The following UBA5 variants were observed in gnomAD, a reference collection of about 807,000 sequenced individuals.
The protein encoded by UBA5 is ubiquitin like modifier activating enzyme 5.
In UBA5, 28 loss-of-function variants were observed where a neutral mutation model predicts 52.9. That is an observed-to-expected ratio of 0.53 (90% CI 0.39 to 0.73). The LOEUF (loss-of-function observed/expected upper bound fraction) is 0.73. Ranked by LOEUF, UBA5 falls within the 30% of genes least tolerant of loss-of-function variation. UBA5 has a pLI of 0.00. For synonymous variants in UBA5, 135 were observed against 162.1 expected (o/e 0.83, Z 1.27); for missense variants, 388 against 492.7 (o/e 0.79, Z 2.01).
chr3:132,675,346 A>G lies in UBA5; in HGVS notation c.911A>G (p.Asp304Gly). ...TMSMKPNPQC[D>G]DRNCRKQQEE... ...TCCATGAAGCCAAATCCTCAGTGTG[A>G]TGACAGAAATTGCAGGAAGCAGCAG... Residue 304 changes from aspartate to glycine, a missense_variant, in exon 9 of 12, where the codon GAT (aspartate) becomes GGT (glycine). Around this residue, in one of 3 missense-constraint regions of UBA5, gnomAD observed 277 missense variants for 326.4 expected, o/e 0.85. Coordinates refer to ENST00000356232, the MANE Select transcript of UBA5 (RefSeq NM_024818.6). 2 of 1,613,726 alleles carry G rather than the reference A, an allele frequency of 1.2e-6. No individual in the cohort carries two copies. The highest frequency in any genetic ancestry group is 1.7e-6 in the Non-Finnish European group (2 of 1,179,822).
chr3:132,667,188 A>G (rs188683343), intron 3 of UBA5: 3 of 152,304 alleles, frequency 2.0e-5, no homozygotes, highest in Admixed American at 2.0e-4. Flanking sequence ...CCTCAGACAT[A>G]CTGAATCAGA....
At chr3:132,673,628 G>A (rs1038209911) in intron 8 of UBA5, among the ~76,000 whole-genome samples, 34 of 151,312 alleles carry the variant, frequency 2.2e-4, no homozygotes, top group African/African-American at 8.0e-4. Context: ...GATTACAGGC[G>A]TGAGCCACTG....
In UBA5 at chr3:132,676,892, A is replaced by G. The variant is rs76591495; in HGVS notation, c.*366A>G. 1,832 of 457,840 alleles carry G rather than the reference A, an allele frequency of 4.0e-3. 31 individuals carry two copies. Among genetic ancestry groups the G allele is most frequent in the African/African-American group, 0.033 (1,659 of 50,276 alleles). 28.4% of individuals were successfully genotyped at this position (457,840 alleles called of 1,614,324 possible). ...TCTGTTGCATGAGGACATGGACAATAAAGTAGTATATGATCCTCAGATACA... is the reference window on the plus strand; with the variant it reads ...TCTGTTGCATGAGGACATGGACAATGAAGTAGTATATGATCCTCAGATACA... On this transcript the variant is annotated 3_prime_UTR_variant, in exon 12 of 12. Transcript: ENST00000356232. This position sits in a 1 kb window ranked among gnomAD's most constrained non-coding sequence, Gnocchi z 4.1.
exon 1 of UBA5, chr3:132,654,599 T>A (rs1009492260): frequency 1.5e-4 from 23 of 152,246 alleles, no homozygotes; most frequent in African/African-American, 5.5e-4. Context: ...TCTCTGCCCA[T>A]GAGAACTCTG....
chr3:132,665,497 A>G (rs1938339064), intron 1 of UBA5, among the ~76,000 whole-genome samples: 1 of 152,120 alleles, frequency 6.6e-6, no homozygotes, highest in Non-Finnish European at 1.5e-5. Context: ...AAATATTTAC[A>G]TATTCTACCA....
chr3:132,655,871 C>A (rs1002609387), upstream of UBA5, among the ~76,000 whole-genome samples: 1 of 152,112 alleles, frequency 6.6e-6, no homozygotes, highest in Non-Finnish European at 1.5e-5. Context: ...TTGATTAATT[C>A]TAAATATTTT....
At position 132,677,250 on chromosome 3, in the gene UBA5, G is replaced by A. The variant is rs947244147; in HGVS notation, c.*724G>A. 25 of 165,938 alleles carry A rather than the reference G, an allele frequency of 1.5e-4. No homozygotes were observed. Among genetic ancestry groups the A allele is most frequent in the African/African-American group, 6.0e-4 (25 of 41,816 alleles). 10.3% of individuals were successfully genotyped at this position (165,938 alleles called of 1,614,324 possible). A position where few individuals can be genotyped will look rare whatever the true frequency, so the allele number is the denominator to read the frequency against. ...CACCGAACAAGGAACAGAAATTATTGCATCTGTGGAACATATATCTGGAGT... is the reference window on the plus strand; with the variant it reads ...CACCGAACAAGGAACAGAAATTATTACATCTGTGGAACATATATCTGGAGT... On this transcript the variant is annotated 3_prime_UTR_variant, in exon 12 of 12. Coordinates refer to ENST00000356232, the MANE Select transcript of UBA5 (RefSeq NM_024818.6).
rs2107932163 is a variant in UBA5, at chr3:132,666,029, G to A, written c.253G>A (p.Gly85Ser). Residue 85 changes from glycine to serine, a missense_variant, in exon 3 of 12, where the codon GGT (glycine) becomes AGT (serine). Physicochemically the swap from Gly to Ser is moderately conservative, Grantham distance 56. Around this residue, in one of 3 missense-constraint regions of UBA5, gnomAD observed 16 missense variants for 59.3 expected, o/e 0.27. Transcript: ENST00000356232. ...AVAIVGVGGV[G>S]SVTAEMLTRC... is the part of the protein sequence containing the mutation. Reference sequence around the variant, plus strand: ...AGCAATAGTAGGTGTTGGTGGAGTAGGTAGTGTGACTGCTGAAATGCTGAC... The same window carrying A: ...AGCAATAGTAGGTGTTGGTGGAGTAAGTAGTGTGACTGCTGAAATGCTGAC... 1.2e-6 allele frequency: 2 copies of A among 1,613,620 alleles called. No individual in the cohort carries two copies. The highest frequency in any genetic ancestry group is 1.7e-6 in the Non-Finnish European group (2 of 1,179,598).
rs765318348 is a variant in UBA5, at chr3:132,675,948, A to T, written c.1131+25A>T. ...GGTACTTCAAAAATATGATTTACCC[A>T]TATGTAAATATCATATAAAATATTT... On this transcript the variant is annotated intron_variant, in intron 11 of 11. Transcript: ENST00000356232. The T allele has an allele frequency of 4.2e-5, 57 of 1,357,848 alleles. No homozygotes were observed. In the South Asian group the frequency reaches 7.0e-4, roughly 17 times the overall value. The allele number at this position is 1,357,848 out of a possible 1,614,324, so 84.1% of individuals were successfully genotyped here.
chr3:132,672,174 TA>T lies in UBA5; in HGVS notation c.812del (p.Lys271SerfsTer4). 1 of 1,613,188 alleles carries T rather than the reference TA, an allele frequency of 6.2e-7. No individual in the cohort carries two copies. Among genetic ancestry groups the T allele is most frequent in the South Asian group, 1.1e-5 (1 of 90,756 alleles). On this transcript the variant is annotated frameshift_variant and splice_region_variant, in exon 8 of 12. Coordinates refer to ENST00000356232, the MANE Select transcript of UBA5 (RefSeq NM_024818.6). LOFTEE classifies it high-confidence loss of function. Reference protein sequence around the residue: ...VVAGILVQNVLKFLLNFGTVS... With the variant: ...VVAGILVQNVXKFLLNFGTVS... ...GCTGGGATCTTAGTACAAAACGTGT[TA>T]AAGTAAGTCAGGGCTAATTTTTCTG...
Position 132,668,706 on chromosome 3 carries a change from A to G in UBA5, c.298-112A>G, listed in dbSNP as rs1938478634. On this transcript the variant is annotated intron_variant, in intron 3 of 11. Coordinates refer to ENST00000356232, the MANE Select transcript of UBA5 (RefSeq NM_024818.6). ...GCACCTAGTGTTGTAGAGTTAGCTA[A>G]TATTATTATCAAACTGCTAAACTAA... is the stretch of plus-strand genomic sequence containing the variant. The G allele has an allele frequency of 6.2e-6, 4 of 645,712 alleles. No homozygotes were observed. In the East Asian group the frequency reaches 1.1e-4, roughly 18 times the overall value. The allele number at this position is 645,712 out of a possible 1,614,324, so 40.0% of individuals were successfully genotyped here. A position where few individuals can be genotyped will look rare whatever the true frequency, so the allele number is the denominator to read the frequency against.
intron 3 of UBA5, among the ~76,000 whole-genome samples, chr3:132,666,312 G>A (rs1209744013): frequency 6.6e-6 from 1 of 152,098 alleles, no homozygotes; most frequent in East Asian, 1.9e-4. Context: ...AAACAATTTG[G>A]ACTTAGGTGT....
rs1437549834 is a variant in UBA5 at position 132,676,205 on chromosome 3, G to A, written c.1132-238G>A. Among the ~76,000 whole-genome samples the A allele has an allele frequency of 1.3e-5, 2 of 151,998 alleles. No homozygotes were observed. Among genetic ancestry groups the A allele is most frequent in the Non-Finnish European group, 2.9e-5 (2 of 67,944 alleles). Reference sequence around the variant, plus strand: ...TTTGTTTATCGGTAGTTTTAGCTACGATGTCGTTTAAAAAGCTAGAGCTGT... The same window carrying A: ...TTTGTTTATCGGTAGTTTTAGCTACAATGTCGTTTAAAAAGCTAGAGCTGT... On this transcript the variant is annotated intron_variant, in intron 11 of 11. Coordinates refer to ENST00000356232, the MANE Select transcript of UBA5 (RefSeq NM_024818.6). The surrounding 1 kb of genome is among the most constrained non-coding windows in gnomAD (Gnocchi z 4.1).
At chr3:132,674,232 C>T (rs1490201602) in intron 8 of UBA5, among the ~76,000 whole-genome samples, 6 of 151,924 alleles carry the variant, frequency 3.9e-5, no homozygotes, top group African/African-American at 1.4e-4. Context: ...TCTTTTTTGT[C>T]TTGTATATTA....
rs768027912 is a variant in UBA5, at chr3:132,676,455, G to A, written c.1144G>A (p.Val382Ile). ...YTIPKKQEDSVTELTVEDSGE... is the reference protein window; with the variant it reads ...YTIPKKQEDSITELTVEDSGE... ...TATTTGTCAATAGCAAGAAGATTCT[G>A]TCACTGAGTTAACAGTGGAAGATTC... Residue 382 changes from valine (V) to isoleucine (I), a missense_variant, in exon 12 of 12, where the codon GTC (valine) becomes ATC (isoleucine). Physicochemically the swap from Val to Ile is conservative, Grantham distance 29. Around this residue, in one of 3 missense-constraint regions of UBA5, gnomAD observed 277 missense variants for 326.4 expected, o/e 0.85. Transcript: ENST00000356232. This position sits in a 1 kb window ranked among gnomAD's most constrained non-coding sequence, Gnocchi z 4.1. The A allele has an allele frequency of 1.9e-6, 3 of 1,606,932 alleles. No homozygotes were observed. The highest frequency in any genetic ancestry group is 2.5e-6 in the Non-Finnish European group (3 of 1,177,748).
rs1385003341 is a variant in UBA5, at chr3:132,678,045, T to C, written c.*1519T>C. On this transcript the variant is annotated 3_prime_UTR_variant, in exon 12 of 12. Transcript: ENST00000356232. ...AAAAATAAATTTCCTTTGGAAATTC[T>C]TGCATATCAATTTAGTAAGGTTTTA... The C allele has an allele frequency of 6.6e-6, 1 of 152,212 alleles. No homozygotes were observed. The highest frequency in any genetic ancestry group is 1.5e-5 in the Non-Finnish European group (1 of 68,028). 9.4% of individuals were successfully genotyped at this position (152,212 alleles called of 1,614,324 possible).
Position 132,660,581 on chromosome 3 carries a change from T to C in UBA5, c.44T>C (p.Leu15Pro). The C allele has an allele frequency of 6.4e-7, 1 of 1,551,616 alleles. No homozygotes were observed. Among genetic ancestry groups the C allele is most frequent in the Non-Finnish European group, 8.7e-7 (1 of 1,147,912 alleles). Residue 15 changes from leucine to proline, a missense_variant, in exon 1 of 12, where the codon CTG becomes CCG. Around this residue, in one of 3 missense-constraint regions of UBA5, gnomAD observed 95 missense variants for 107.0 expected, o/e 0.89. Transcript: ENST00000356232. The surrounding 1 kb of genome is among the most constrained non-coding windows in gnomAD (Gnocchi z 4.1). Reference sequence around the variant, plus strand: ...CGCCTGCAGCAGCGGGTCCAGGAGCTGGAGCGGGAACTTGCCCAGGAGAGG... The same window carrying C: ...CGCCTGCAGCAGCGGGTCCAGGAGCCGGAGCGGGAACTTGCCCAGGAGAGG... ...VERLQQRVQE[L>P]ERELAQERSL...
In UBA5 at chr3:132,678,807, G is replaced by A. The variant is rs758371093; in HGVS notation, c.*2281G>A. ...TGGGATTACAGGTGCCCGCCACCAC[G>A]CATGGCTAATTTTTGTATTTTTAGT... On this transcript the variant is annotated 3_prime_UTR_variant, in exon 12 of 12. Coordinates refer to ENST00000356232, the MANE Select transcript of UBA5 (RefSeq NM_024818.6). Among the ~76,000 whole-genome samples, 7 of 151,676 alleles carry A rather than the reference G, an allele frequency of 4.6e-5. No homozygotes were observed. The highest frequency in any genetic ancestry group is 3.9e-4 in the East Asian group (2 of 5,078).
chr3:132,666,026 G>C lies in UBA5; in HGVS notation c.250G>C (p.Val84Leu), dbSNP rs941012021. Residue 84 changes from valine to leucine, a missense_variant, in exon 3 of 12, where the codon GTA (valine) becomes CTA (leucine). Transcript: ENST00000356232. ...CGTAGCAATAGTAGGTGTTGGTGGAGTAGGTAGTGTGACTGCTGAAATGCT... is the reference window on the plus strand; with the variant it reads ...CGTAGCAATAGTAGGTGTTGGTGGACTAGGTAGTGTGACTGCTGAAATGCT... ...FAVAIVGVGG[V>L]GSVTAEMLTR... 1.2e-5 allele frequency: 19 copies of C among 1,613,666 alleles called. No homozygotes were observed. The highest frequency in any genetic ancestry group is 1.4e-5 in the Non-Finnish European group (16 of 1,179,624).
Sources: gnomAD v4.1 joint callset for allele counts (sites outside exome capture counted in the v4.1 genomes callset) on GRCh38, gnomAD v4.1.1 for gene constraint, gnomAD v4.1.1 regional missense constraint, Gnocchi (gnomAD v3.1) non-coding constraint, MANE v1.5 for transcripts, NCBI Gene and HGNC (gene_info 2026-07-23, HGNC 2026-07-21) for gene names.